FNBP1L: variants seen among roughly 807,000 people sequenced by gnomAD.
FNBP1L encodes formin binding protein 1 like.
A neutral mutation model predicts 91.2 loss-of-function variants in FNBP1L; 36 were observed. The observed-to-expected ratio is 0.39, with a 90% CI of 0.30 to 0.52. The LOEUF (loss-of-function observed/expected upper bound fraction) is 0.52, where lower values mean the gene tolerates loss of function less well. Among genes scored for constraint, FNBP1L ranks in the 20% least tolerant of loss-of-function variants. FNBP1L has a pLI of 0.66. For synonymous variants in FNBP1L, 242 were observed against 237.0 expected (o/e 1.02, Z -0.19); for missense variants, 571 against 732.1 (o/e 0.78, Z 2.54).
intron 1 of FNBP1L, among the ~76,000 whole-genome samples, chr1:93,485,646 A>G (rs1669871734): frequency 6.6e-6 from 1 of 152,220 alleles, no homozygotes; most frequent in South Asian, 2.1e-4. Context: ...GTTGCATTAA[A>G]TGAATAGTAA....
intron 2 of FNBP1L, among the ~76,000 whole-genome samples, chr1:93,511,754 CAGG>C (rs1670852670): frequency 6.6e-6 from 1 of 151,922 alleles, no homozygotes; most frequent in South Asian, 2.1e-4. Flanking sequence ...ATCACGAGGT[CAGG>C]AGATCGAGAC....
chr1:93,481,426 A>G (rs1669699292), intron 1 of FNBP1L, among the ~76,000 whole-genome samples: 1 of 152,230 alleles, frequency 6.6e-6, no homozygotes, highest in African/African-American at 2.4e-5. Context: ...AAGAAAGGAA[A>G]ACAATATTGA....
chr1:93,528,174 A>G (rs1256396424), intron 5 of FNBP1L, among the ~76,000 whole-genome samples: 1 of 152,158 alleles, frequency 6.6e-6, no homozygotes, highest in Admixed American at 6.5e-5. Context: ...AAATAACTCA[A>G]GAAAGTTTTC....
At chr1:93,516,135 T>C (rs1281672783) in intron 2 of FNBP1L, among the ~76,000 whole-genome samples, 1 of 152,162 alleles carries the variant, frequency 6.6e-6, no homozygotes, top group Non-Finnish European at 1.5e-5. Flanking sequence ...TTTCAGTGTA[T>C]CTGATTTAAA....
chr1:93,534,935 T>C (rs1671796382), intron 9 of FNBP1L, 27 bp downstream of exon 9: 4 of 1,542,306 alleles, frequency 2.6e-6, no homozygotes, highest in South Asian at 1.2e-5. Flanking sequence ...TCCTATATGC[T>C]AATCAGTTTA....
At chr1:93,531,628 G>A (rs908299766) in intron 7 of FNBP1L, among the ~76,000 whole-genome samples, 7 of 152,210 alleles carry the variant, frequency 4.6e-5, no homozygotes, top group African/African-American at 1.7e-4. Flanking sequence ...ATAATGAACT[G>A]GAGTGGGGAC....
chr1:93,513,111 C>T (rs1670925016), intron 2 of FNBP1L, among the ~76,000 whole-genome samples: 1 of 152,162 alleles, frequency 6.6e-6, no homozygotes, highest in African/African-American at 2.4e-5. Context: ...CACAGAAATA[C>T]AAACGACCAT....
At chr1:93,529,191 G>A (rs1156698097) in intron 5 of FNBP1L, among the ~76,000 whole-genome samples, 1 of 151,634 alleles carries the variant, frequency 6.6e-6, no homozygotes, top group African/African-American at 2.4e-5. Flanking sequence ...TGAAGATGAG[G>A]ACTTATATTT....
At chr1:93,453,785 A>G (rs1051078843) in intron 1 of FNBP1L, among the ~76,000 whole-genome samples, 1 of 152,230 alleles carries the variant, frequency 6.6e-6, no homozygotes, top group African/African-American at 2.4e-5. Context: ...AATACACCTG[A>G]AACACGTAAA....
At chr1:93,514,982 A>G (rs891947214) in intron 2 of FNBP1L, among the ~76,000 whole-genome samples, 6 of 152,198 alleles carry the variant, frequency 3.9e-5, no homozygotes, top group African/African-American at 1.4e-4. Flanking sequence ...TGAACAGGCA[A>G]CCTACAAAAT....
At chr1:93,521,014 C>T (rs1671303428) in intron 2 of FNBP1L, among the ~76,000 whole-genome samples, 1 of 151,966 alleles carries the variant, frequency 6.6e-6, no homozygotes, top group African/African-American at 2.4e-5. Context: ...TGCACTCCAG[C>T]CTGGGCGACA....
chr1:93,483,539 A>G (rs767431767), intron 1 of FNBP1L, among the ~76,000 whole-genome samples: 10 of 152,218 alleles, frequency 6.6e-5, no homozygotes, highest in Non-Finnish European at 1.3e-4. Context: ...AATTGACTAC[A>G]TTAATCATAA....
At position 93,526,600 on chromosome 1, in the gene FNBP1L, G is replaced by T. The variant is rs78701889; in HGVS notation, c.405+2277G>T. Among the ~76,000 whole-genome samples, 14 of 152,246 alleles carry T rather than the reference G, an allele frequency of 9.2e-5. No individual in the cohort carries two copies. The East Asian group carries it at 2.7e-3, about 29-fold the overall frequency. ...CCCTGGCTGTGGGGAGTCTAGGAGAGCAAGTATTAGCTGTTTTCTGCCTCT... is the reference window on the plus strand; with the variant it reads ...CCCTGGCTGTGGGGAGTCTAGGAGATCAAGTATTAGCTGTTTTCTGCCTCT... On this transcript the variant is annotated intron_variant, in intron 5 of 16. Coordinates refer to ENST00000271234, the MANE Select transcript of FNBP1L (RefSeq NM_001164473.3).
rs1331988056 is a variant in FNBP1L, at chr1:93,544,170, C to G, written c.1228C>G (p.Arg410Gly). The G allele has an allele frequency of 6.2e-7, 1 of 1,611,774 alleles. No homozygotes were observed. The change falls in exon 12 of 17, where the codon CGC becomes GGC. Residue 410 changes from arginine to glycine, a missense_variant. Transcript: ENST00000271234. ...ACAGAGACGTAAAAAACTACAGCAG[C>G]GCATTGATGAACTTAACAGAGAACT... is the stretch of plus-strand genomic sequence containing the variant. ...PEQRRKKLQQ[R>G]IDELNRELQK...
chr1:93,487,999 C>T (rs968650785), intron 1 of FNBP1L, among the ~76,000 whole-genome samples: 2 of 152,118 alleles, frequency 1.3e-5, no homozygotes, highest in African/African-American at 2.4e-5. Flanking sequence ...TTTTTTCTTC[C>T]CATTGCCCAA....
intron 1 of FNBP1L, among the ~76,000 whole-genome samples, chr1:93,459,941 A>ATGTGTGTGTGTG (rs34705153): frequency 0.023 from 3,285 of 142,218 alleles, 62 homozygotes; most frequent in South Asian, 0.035. Flanking sequence ...TGGATTTCAG[A>ATGTGTGTGTGTG]TGTGTGTGTG....
At chr1:93,540,039 A>C (rs533698763) in intron 10 of FNBP1L, among the ~76,000 whole-genome samples, 126 of 152,130 alleles carry the variant, frequency 8.3e-4, no homozygotes, top group African/African-American at 2.9e-3. Context: ...TAACTTTATA[A>C]AGCTCCGTTG....
chr1:93,535,500 G>A (rs964565559), intron 9 of FNBP1L, among the ~76,000 whole-genome samples: 2 of 152,026 alleles, frequency 1.3e-5, no homozygotes, highest in African/African-American at 4.8e-5. Flanking sequence ...TGGGTGCTTT[G>A]TCTTTCTTAT....
At chr1:93,532,881 A>G (rs1671729220) in intron 7 of FNBP1L, 41 bp from the exon 8 acceptor site, 1 of 1,508,952 alleles carries the variant, frequency 6.6e-7, no homozygotes, top group Non-Finnish European at 9.0e-7. Flanking sequence ...AATGATTGAA[A>G]AATTCAGTTT....
Sources: gnomAD v4.1 joint callset for allele counts (sites outside exome capture counted in the v4.1 genomes callset) on GRCh38, gnomAD v4.1.1 for gene constraint, MANE v1.5 for transcripts, NCBI Gene and HGNC (gene_info 2026-07-23, HGNC 2026-07-21) for gene names.